The following HTR3E variants were observed in gnomAD, a reference collection of about 807,000 sequenced individuals.
HTR3E encodes 5-hydroxytryptamine (serotonin) receptor 3, family member E.
HTR3E carries 38 observed loss-of-function variants against 38.0 expected under a neutral mutation model. The ratio of observed to expected loss-of-function variants is 1.00; its 90% confidence interval spans 0.77 to 1.31. The LOEUF is 1.31. HTR3E is among the 50% of genes most tolerant of loss of function. The pLI is 0.00. For synonymous variants in HTR3E, 210 were observed against 232.9 expected (o/e 0.90, Z 0.89); for missense variants, 547 against 585.2 (o/e 0.93, Z 0.67).
intron 4 of HTR3E, 61 bp downstream of exon 4, chr3:184,104,352 T>C: frequency 1.3e-6 from 2 of 1,558,044 alleles, no homozygotes; most frequent in Non-Finnish European, 1.7e-6. Context: ...GAGATCACAG[T>C]TTACCATTGG....
intron 5 of HTR3E, 90 bp from the exon 6 acceptor site, chr3:184,105,177 T>C: frequency 7.0e-7 from 1 of 1,419,796 alleles, no homozygotes; most frequent in Non-Finnish European, 9.5e-7. Flanking sequence ...CTCAAAAATA[T>C]TTGTTGAAAG....
intron 4 of HTR3E, 48 bp from the exon 5 acceptor site, chr3:184,104,731 AAAAAAAAG>A (rs1712307105): frequency 4.9e-6 from 7 of 1,417,326 alleles, no homozygotes; most frequent in South Asian, 1.5e-5. Flanking sequence ...AAAAAAAAAA[AAAAAAAAG>A]AGAGAGAGAA....
At chr3:184,104,409 TAAG>T (rs1243336448) in intron 4 of HTR3E, 118 bp downstream of exon 4, 2 of 1,462,990 alleles carry the variant, frequency 1.4e-6, no homozygotes, top group Non-Finnish European at 1.8e-6. Flanking sequence ...ACCAGAGAGA[TAAG>T]AAGAGAAACT....
At chr3:184,097,620 G>T in intron 1 of HTR3E, 24 bp downstream of exon 1, 1 of 1,504,962 alleles carries the variant, frequency 6.6e-7, no homozygotes, top group South Asian at 1.2e-5. Flanking sequence ...AATGATGGGG[G>T]AAGGCGGAAG....
intron 1 of HTR3E, among the ~76,000 whole-genome samples, chr3:184,099,720 CA>C (rs1192532487): frequency 0.24 from 10,758 of 44,668 alleles, 304 homozygotes; most frequent in South Asian, 0.32. Context: ...GACTCCGTCT[CA>C]AAAAAAAAAA....
intron 3 of HTR3E, among the ~76,000 whole-genome samples, chr3:184,101,994 A>T (rs1712078507): frequency 6.6e-6 from 1 of 152,192 alleles, no homozygotes. Context: ...TATCTCAAAA[A>T]CAAAACAAAA....
intron 1 of HTR3E, among the ~76,000 whole-genome samples, chr3:184,099,061 A>T (rs1169089599): frequency 1.3e-5 from 2 of 151,494 alleles, no homozygotes; most frequent in South Asian, 2.1e-4. Context: ...TTAAAAATTT[A>T]AAAAAGAAAT....
rs1266660224 is a variant in HTR3E, at chr3:184,105,654, G to T, written c.721-111G>T. On this transcript the variant is annotated intron_variant, in intron 6 of 8. Coordinates refer to ENST00000415389, the MANE Select transcript of HTR3E (RefSeq NM_001256613.2). ...CATTCCCCACAGCTCCAGATCCCAG[G>T]GTGATATCAGGCCAAAGAAAAAGGC... is the stretch of plus-strand genomic sequence containing the variant. The T allele has an allele frequency of 9.9e-6, 10 of 1,011,574 alleles. No homozygotes were observed. The Admixed American group carries it at 1.8e-4, about 18-fold the overall frequency. The allele number at this position is 1,011,574 out of a possible 1,614,324, so 62.7% of individuals were successfully genotyped here.
chr3:184,101,390 A>C (rs1025391499), intron 2 of HTR3E, 95 bp from the exon 3 acceptor site: 2 of 1,008,640 alleles, frequency 2.0e-6, no homozygotes, highest in African/African-American at 3.2e-5. Flanking sequence ...TCCCCTTTAT[A>C]TACCTTGGGA....
rs1425377723 is a variant in HTR3E at position 184,104,939 on chromosome 3, G to A, written c.542G>A (p.Ser181Asn). The change falls in exon 5 of 9, where the codon AGC becomes AAC. Residue 181 changes from serine to asparagine, a missense_variant. Coordinates refer to ENST00000415389, the MANE Select transcript of HTR3E (RefSeq NM_001256613.2). ...CAGCAGAACTGCACACTCACCTTCA[G>A]CTCATTCCTCTACACAGGTAAGTTG... ...FDQQNCTLTFSSFLYTVDSML... is the reference protein window; with the variant it reads ...FDQQNCTLTFNSFLYTVDSML... 6.2e-7 allele frequency: 1 copy of A among 1,613,630 alleles called. No individual in the cohort carries two copies. The highest frequency in any genetic ancestry group is 1.3e-5 in the African/African-American group (1 of 74,858).
Position 184,106,499 on chromosome 3 carries a change from C to T in HTR3E, c.1177C>T (p.Pro393Ser), listed in dbSNP as rs933475295. 2 of 1,607,636 alleles carry T rather than the reference C, an allele frequency of 1.2e-6. No individual in the cohort carries two copies. Among genetic ancestry groups the T allele is most frequent in the Non-Finnish European group, 1.7e-6 (2 of 1,176,662 alleles). ...KEPEVSAGQM[P>S]GPAEAELTGG... ...GCCAGAGGTATCAGCAGGGCAGATG[C>T]CGGGCCCTGCGGAGGCAGAGCTGAC... Residue 393 changes from proline (P) to serine (S), a missense_variant, in exon 9 of 9, where the codon CCG becomes TCG. Coordinates refer to ENST00000415389, the MANE Select transcript of HTR3E (RefSeq NM_001256613.2). This position sits in a 1 kb window ranked among gnomAD's most constrained non-coding sequence, Gnocchi z 4.1.
chr3:184,105,320 T>C lies in HTR3E; in HGVS notation c.613T>C (p.Ser205Pro). The part of the protein sequence containing the change: ...EKEVWEITDA[S>P]RNILQTHGEW... ...AGAAGTGTGGGAAATAACAGACGCA[T>C]CCCGGAACATCCTTCAGACCCATGG... Residue 205 changes from serine to proline, a missense_variant, in exon 6 of 9, where the codon TCC becomes CCC. Transcript: ENST00000415389. 6.2e-7 allele frequency: 1 copy of C among 1,614,102 alleles called. No individual in the cohort carries two copies.
At chr3:184,104,657 C>T in intron 4 of HTR3E, 130 bp from the exon 5 acceptor site, 1 of 748,196 alleles carries the variant, frequency 1.3e-6, no homozygotes, top group Non-Finnish European at 2.0e-6. Flanking sequence ...ATGGAAGTTG[C>T]AGTGAGCTGA....
rs530063012 is a variant in HTR3E, at chr3:184,100,532, G to A, written c.115G>A (p.Gly39Arg). 19 of 1,614,140 alleles carry A rather than the reference G, an allele frequency of 1.2e-5. No homozygotes were observed. The highest frequency in any genetic ancestry group is 1.1e-4 in the South Asian group (10 of 91,072). The change falls in exon 2 of 9, where the codon GGG (glycine) becomes AGG (arginine). Residue 39 changes from glycine to arginine, a missense_variant. Transcript: ENST00000415389. ...TINCSGFGQH[G>R]ADPTALNSVF... ...CAATTGCTCAGGGTTTGGCCAGCAC[G>A]GGGCGGATCCCACTGCTCTGAATTC...
At position 184,106,340 on chromosome 3, in the gene HTR3E, C is replaced by T; in HGVS notation, c.1138C>T (p.Pro380Ser). The change falls in exon 8 of 9, where the codon CCC becomes TCC. Residue 380 changes from proline to serine, a missense_variant. Coordinates refer to ENST00000415389, the MANE Select transcript of HTR3E (RefSeq NM_001256613.2). This position sits in a 1 kb window ranked among gnomAD's most constrained non-coding sequence, Gnocchi z 4.1. ...CCCGGGTCTCACCCCCACCCACCTGCCCGGTGAGGGAAGTCACATTCCTCT... is the reference window on the plus strand; with the variant it reads ...CCCGGGTCTCACCCCCACCCACCTGTCCGGTGAGGGAAGTCACATTCCTCT... ...KGPGLTPTHL[P>S]GVKEPEVSAG... 3 of 1,608,522 alleles carry T rather than the reference C, an allele frequency of 1.9e-6. No individual in the cohort carries two copies. The highest frequency in any genetic ancestry group is 2.5e-6 in the Non-Finnish European group (3 of 1,177,398).
rs754203082 is a variant in HTR3E, at chr3:184,104,243, G to A, written c.341G>A (p.Ser114Asn). The change falls in exon 4 of 9, where the codon AGT becomes AAT. Residue 114 changes from serine to asparagine, a missense_variant. Coordinates refer to ENST00000415389, the MANE Select transcript of HTR3E (RefSeq NM_001256613.2). ...GAATGTGAGGGCATCACGAAGATGA[G>A]TATGGCAGCCAAGAACCTGTGGCTC... ...PEECEGITKM[S>N]MAAKNLWLPD... 4 of 1,613,368 alleles carry A rather than the reference G, an allele frequency of 2.5e-6. No homozygotes were observed. Among genetic ancestry groups the A allele is most frequent in the Admixed American group, 3.3e-5 (2 of 59,958 alleles).
intron 3 of HTR3E, among the ~76,000 whole-genome samples, chr3:184,102,197 G>A (rs770831189): frequency 2.6e-5 from 4 of 151,544 alleles, no homozygotes; most frequent in Admixed American, 6.6e-5. Flanking sequence ...GCAGAGTGGC[G>A]CATGCCTGTA....
rs1577009464 is a variant in HTR3E, at chr3:184,101,642, GAGA to G, written c.279+115_279+117del. 8 of 902,328 alleles carry G rather than the reference GAGA, an allele frequency of 8.9e-6. No homozygotes were observed. The East Asian group carries it at 2.0e-4, about 22-fold the overall frequency. The allele number at this position is 902,328 out of a possible 1,614,324, so 55.9% of individuals were successfully genotyped here. Reference sequence around the variant, plus strand: ...TAACATTGGTTTGAAACACATGAAGGAGAAATTGAAAAATCGACCATAATGGTG... The same window carrying G: ...TAACATTGGTTTGAAACACATGAAGGAATTGAAAAATCGACCATAATGGTG... On this transcript the variant is annotated intron_variant, in intron 3 of 8. Coordinates refer to ENST00000415389, the MANE Select transcript of HTR3E (RefSeq NM_001256613.2).
intron 1 of HTR3E, among the ~76,000 whole-genome samples, chr3:184,098,898 G>C (rs1304275820): frequency 1.8e-4 from 28 of 151,842 alleles, no homozygotes; most frequent in Admixed American, 1.5e-3. Flanking sequence ...ACAAAAACTA[G>C]CCTGATGTGG....
Sources: gnomAD v4.1 joint callset for allele counts (sites outside exome capture counted in the v4.1 genomes callset) on GRCh38, gnomAD v4.1.1 for gene constraint, Gnocchi (gnomAD v3.1) non-coding constraint, MANE v1.5 for transcripts, NCBI Gene and HGNC (gene_info 2026-07-23, HGNC 2026-07-21) for gene names.